Variants in TENM2 observed in about 807,000 individuals in gnomAD.
The protein encoded by TENM2 is teneurin-2.
A neutral mutation model predicts 245.2 loss-of-function variants in TENM2; 52 were observed. That is an observed-to-expected ratio of 0.21 (90% CI 0.17 to 0.27). The LOEUF is 0.27. Ranked by LOEUF, TENM2 falls within the 10% of genes least tolerant of loss-of-function variation. The pLI is 1.00. For synonymous variants in TENM2, 1,363 were observed against 1,438.9 expected (o/e 0.95, Z 1.19); for missense variants, 3,046 against 3,666.8 (o/e 0.83, Z 4.37).
intron 2 of TENM2, among the ~76,000 whole-genome samples, chr5:167,596,732 C>T (rs1384570157): frequency 6.7e-6 from 1 of 149,906 alleles, no homozygotes; most frequent in Non-Finnish European, 1.5e-5. Context: ...GGAGGCGGAG[C>T]TTGCAGTGAG....
intron 3 of TENM2, among the ~76,000 whole-genome samples, chr5:167,943,182 C>T (rs1346857629): frequency 2.6e-5 from 4 of 152,172 alleles, no homozygotes; most frequent in Admixed American, 2.0e-4. Context: ...GTAAATAATT[C>T]TGCTGAGCTT....
chr5:167,201,206 T>C, the TENM2 span, among the ~76,000 whole-genome samples: 1 of 152,222 alleles, frequency 6.6e-6, no homozygotes, highest in Non-Finnish European at 1.5e-5. Context: ...TGAGAAATAC[T>C]TCTACGTAGC....
chr5:167,096,334 G>A, the TENM2 span, among the ~76,000 whole-genome samples: 3 of 151,986 alleles, frequency 2.0e-5, no homozygotes, highest in Non-Finnish European at 4.4e-5. Context: ...TACCCCTGTT[G>A]AAAATCTGTA....
chr5:167,818,859 G>A (rs559879786), intron 2 of TENM2, among the ~76,000 whole-genome samples: 13 of 152,260 alleles, frequency 8.5e-5, no homozygotes, highest in South Asian at 6.2e-4. Context: ...GAGAGGAACC[G>A]CTTCAAGCTG....
intron 5 of TENM2, among the ~76,000 whole-genome samples, chr5:168,028,797 G>T (rs1423283062): frequency 1.2e-5 from 1 of 86,498 alleles, no homozygotes; most frequent in African/African-American, 7.1e-5. Context: ...CATAGCAACT[G>T]TCAAAAAAAA....
At chr5:168,250,433 G>A (rs894066238) in intron 27 of TENM2, among the ~76,000 whole-genome samples, 1 of 152,154 alleles carries the variant, frequency 6.6e-6, no homozygotes, top group Non-Finnish European at 1.5e-5. Flanking sequence ...CCAAGTTCCA[G>A]AAAACTCACA....
At chr5:168,223,675 C>G (rs970966222) in intron 23 of TENM2, among the ~76,000 whole-genome samples, 1 of 151,970 alleles carries the variant, frequency 6.6e-6, no homozygotes, top group Admixed American at 6.6e-5. Flanking sequence ...CCATGTTGGC[C>G]AAGATGGTCT....
At chr5:167,472,967 C>T (rs1320119930) in intron 2 of TENM2, among the ~76,000 whole-genome samples, 1 of 152,048 alleles carries the variant, frequency 6.6e-6, no homozygotes, top group Admixed American at 6.6e-5. Flanking sequence ...TATGTCCCCA[C>T]TGGACAATAA....
chr5:167,202,927 A>G, the TENM2 span, among the ~76,000 whole-genome samples: 5 of 152,194 alleles, frequency 3.3e-5, no homozygotes, highest in Non-Finnish European at 5.9e-5. Flanking sequence ...GAGAACTTGA[A>G]CTAAGACAAA....
the TENM2 span, among the ~76,000 whole-genome samples, chr5:167,083,832 G>A: frequency 7.9e-5 from 12 of 152,252 alleles, no homozygotes; most frequent in Non-Finnish European, 1.3e-4. Context: ...CCTCTGCATA[G>A]TGACACTGCT....
intron 2 of TENM2, among the ~76,000 whole-genome samples, chr5:167,492,587 T>A (rs1471359472): frequency 4.6e-5 from 7 of 152,134 alleles, no homozygotes; most frequent in Admixed American, 1.3e-4. Flanking sequence ...AGAATTTACA[T>A]GGCTATTTAT....
chr5:168,056,583 T>A (rs1789560237), intron 6 of TENM2, among the ~76,000 whole-genome samples: 1 of 152,196 alleles, frequency 6.6e-6, no homozygotes, highest in Admixed American at 6.5e-5. Flanking sequence ...GTCCAAATGT[T>A]ATAGTATAGT....
intron 2 of TENM2, among the ~76,000 whole-genome samples, chr5:167,413,686 T>G (rs10067798): frequency 6.6e-6 from 1 of 151,896 alleles, no homozygotes; most frequent in South Asian, 2.1e-4. Flanking sequence ...ACCAGTAAGA[T>G]TTACAGCCAG....
chr5:167,007,378 A>C, the TENM2 span, among the ~76,000 whole-genome samples: 1 of 152,218 alleles, frequency 6.6e-6, no homozygotes, highest in Non-Finnish European at 1.5e-5. This position sits in a 1 kb window ranked among gnomAD's most constrained non-coding sequence, Gnocchi z 4.2. Context: ...TATAGAAATT[A>C]ATTTTGATAA....
At chr5:167,862,913 C>T (rs1233397559) in intron 2 of TENM2, among the ~76,000 whole-genome samples, 2 of 152,082 alleles carry the variant, frequency 1.3e-5, no homozygotes, top group Non-Finnish European at 2.9e-5. Context: ...TGCAGACTGT[C>T]TAGTCATCTT....
chr5:168,214,804 T>C, intron 20 of TENM2: 2 of 611,776 alleles, frequency 3.3e-6, no homozygotes, highest in Middle Eastern at 5.1e-4. Context: ...AACAGTTGTT[T>C]AGCATGGTGG....
intron 2 of TENM2, among the ~76,000 whole-genome samples, chr5:167,789,868 T>C (rs1187582873): frequency 6.6e-6 from 1 of 152,202 alleles, no homozygotes; most frequent in Non-Finnish European, 1.5e-5. Context: ...TATTTAAAAA[T>C]AGTACTCAGC....
chr5:167,962,213 A>G (rs1781065676), intron 4 of TENM2, among the ~76,000 whole-genome samples: 1 of 152,084 alleles, frequency 6.6e-6, no homozygotes, highest in South Asian at 2.1e-4. Context: ...GGACTTCTCA[A>G]TGCTAATTTT....
At chr5:167,199,458 C>T in the TENM2 span, among the ~76,000 whole-genome samples, 1 of 152,132 alleles carries the variant, frequency 6.6e-6, no homozygotes, top group African/African-American at 2.4e-5. Context: ...CCTGGCCCGG[C>T]ACCTTCAGAG....
Sources: gnomAD v4.1 joint callset for allele counts (sites outside exome capture counted in the v4.1 genomes callset) on GRCh38, gnomAD v4.1.1 for gene constraint, Gnocchi (gnomAD v3.1) non-coding constraint, MANE v1.5 for transcripts, NCBI Gene and HGNC (gene_info 2026-07-23, HGNC 2026-07-21) for gene names.